Variants in SH3TC1 observed in about 807,000 individuals in gnomAD.
SH3TC1 encodes SH3 domain and tetratricopeptide repeats 1, also known as SH3 domain and tetratricopeptide repeat-containing protein 1.
Under a neutral mutation model 117.3 loss-of-function variants are expected in SH3TC1, and 135 were observed. The observed-to-expected ratio is 1.15, with a 90% CI of 1.00 to 1.33. SH3TC1 has a LOEUF of 1.33. Among genes scored for constraint, SH3TC1 ranks in the 40% most tolerant of loss-of-function variants. SH3TC1 has a pLI of 0.00. For missense variants in SH3TC1, 2,092 were observed against 1,794.3 expected, an observed-to-expected ratio of 1.17 and a Z score of -3.00; for synonymous variants, 898 against 816.9, an observed-to-expected ratio of 1.10 and a Z score of -1.69.
At position 8,227,987 on chromosome 4, in the gene SH3TC1, A is replaced by C; in HGVS notation, c.2293A>C (p.Thr765Pro). ...CCAGCCCCACAGCCTCCCTGCCCAAACTTCCCACTACCTCAGGCAAGCGCT... is the reference window on the plus strand; with the variant it reads ...CCAGCCCCACAGCCTCCCTGCCCAACCTTCCCACTACCTCAGGCAAGCGCT... Reference protein sequence around the residue: ...APQPHSLPAQTSHYLRQALAS... With the variant: ...APQPHSLPAQPSHYLRQALAS... Residue 765 changes from threonine (T) to proline (P), a missense_variant, in exon 12 of 18, where the codon ACT becomes CCT. By Grantham distance (38) the Thr-to-Pro change is conservative. Coordinates refer to ENST00000245105, the MANE Select transcript of SH3TC1 (RefSeq NM_018986.5). 6.2e-7 allele frequency: 1 copy of C among 1,612,200 alleles called. No homozygotes were observed. Among genetic ancestry groups the C allele is most frequent in the South Asian group, 1.1e-5 (1 of 91,034 alleles).
At chr4:8,232,187 G>A in intron 13 of SH3TC1, 31 bp downstream of exon 13, 3 of 396,472 alleles carry the variant, frequency 7.6e-6, no homozygotes, top group Non-Finnish European at 1.4e-5. Flanking sequence ...GGTGGGGGCG[G>A]GGGGAGGGGG....
intron 1 of SH3TC1, among the ~76,000 whole-genome samples, chr4:8,203,913 G>C (rs1048197546): frequency 6.6e-6 from 1 of 152,202 alleles, no homozygotes; most frequent in Non-Finnish European, 1.5e-5. Flanking sequence ...AGAGAGCAGG[G>C]TGGAAGTGGG....
intron 9 of SH3TC1, among the ~76,000 whole-genome samples, chr4:8,222,143 A>G (rs1387989322): frequency 3.3e-5 from 5 of 152,040 alleles, no homozygotes; most frequent in Non-Finnish European, 7.4e-5. Context: ...GTTGTACAGA[A>G]TCAGTGGGAG....
rs961059130 is a variant in SH3TC1, at chr4:8,209,756, C to T, written c.181C>T (p.Pro61Ser). ...AACCTGCTGTGTTGCAGACGAGGCT[C>T]CTCCTGCCCGCGTGGCTGGGCCTGC... The part of the protein sequence containing the change: ...AKAPVRGDEA[P>S]PARVAGPAAG... The change falls in exon 3 of 18, where the codon CCT becomes TCT. Residue 61 changes from proline (P) to serine (S), a missense_variant. Transcript: ENST00000245105. This position sits in a 1 kb window ranked among gnomAD's most constrained non-coding sequence, Gnocchi z 5.9. The T allele has an allele frequency of 4.3e-6, 7 of 1,613,680 alleles. No individual in the cohort carries two copies. The highest frequency in any genetic ancestry group is 1.6e-4 in the Middle Eastern group (1 of 6,084).
chr4:8,198,571 G>A (rs760774594), upstream of SH3TC1, among the ~76,000 whole-genome samples: 2 of 152,240 alleles, frequency 1.3e-5, no homozygotes, highest in African/African-American at 4.8e-5. Context: ...AGGCAGGGGC[G>A]AGATTACGTG....
In SH3TC1 at chr4:8,227,494, G is replaced by A; in HGVS notation, c.1800G>A (p.Val600=). 1 of 1,560,454 alleles carries A rather than the reference G, an allele frequency of 6.4e-7. No individual in the cohort carries two copies. Among genetic ancestry groups the A allele is most frequent in the Non-Finnish European group, 8.6e-7 (1 of 1,158,620 alleles). The change falls in exon 12 of 18, where the codon GTG becomes GTA. Residue 600 remains valine (V), a synonymous_variant. Coordinates refer to ENST00000245105, the MANE Select transcript of SH3TC1 (RefSeq NM_018986.5). ...GCAGCTTCGGGGACCTGTTCCTAGTGGTGGCTGTGTACGCCAACCTGGCCA... is the reference window on the plus strand; with the variant it reads ...GCAGCTTCGGGGACCTGTTCCTAGTAGTGGCTGTGTACGCCAACCTGGCCA... ...LEGSFGDLFL[V]VAVYANLASI... is the part of the protein sequence containing the mutation.
intron 6 of SH3TC1, 28 bp from the exon 7 acceptor site, chr4:8,216,929 C>A: frequency 6.2e-7 from 1 of 1,609,594 alleles, no homozygotes; most frequent in Non-Finnish European, 8.5e-7. Flanking sequence ...TCCGGCCACC[C>A]TCAGTGACCA....
chr4:8,223,287 C>A (rs77182232), intron 10 of SH3TC1, among the ~76,000 whole-genome samples: 10,226 of 152,304 alleles, frequency 0.067, 487 homozygotes, highest in East Asian at 0.17. Context: ...TTCTAATTTG[C>A]CAGCCCTGAG....
At chr4:8,185,181 C>T (rs1349533316) in intron 1 of SH3TC1, among the ~76,000 whole-genome samples, 1 of 151,854 alleles carries the variant, frequency 6.6e-6, no homozygotes, top group East Asian at 1.9e-4. Context: ...ACTAAAAATA[C>T]AAAAATTAGC....
rs1331418893 is a variant in SH3TC1, at chr4:8,241,051, C to A, written c.*96C>A. On this transcript the variant is annotated 3_prime_UTR_variant, in exon 18 of 18. Transcript: ENST00000245105. ...GCTCATTTTCTGGCAAATGGAGGCACGAACGCAGGGGCCAAATAGCAATAA... is the reference window on the plus strand; with the variant it reads ...GCTCATTTTCTGGCAAATGGAGGCAAGAACGCAGGGGCCAAATAGCAATAA... 5.9e-6 allele frequency: 9 copies of A among 1,518,020 alleles called. No individual in the cohort carries two copies. The highest frequency in any genetic ancestry group is 7.1e-6 in the Non-Finnish European group (8 of 1,131,652). The allele number at this position is 1,518,020 out of a possible 1,614,324, so 94.0% of individuals were successfully genotyped here.
rs1044293092 is a variant in SH3TC1 at position 8,225,473 on chromosome 4, A to G, written c.1285+257A>G. ...GCCTGGTCCCCGCCCAAGATGGAGCATCCTTTCCACTGCTTGGGTCCACTT... is the reference window on the plus strand; with the variant it reads ...GCCTGGTCCCCGCCCAAGATGGAGCGTCCTTTCCACTGCTTGGGTCCACTT... On this transcript the variant is annotated intron_variant, in intron 11 of 17. Transcript: ENST00000245105. The surrounding 1 kb of genome is among the most constrained non-coding windows in gnomAD (Gnocchi z 5.5). Among the ~76,000 whole-genome samples, 2 of 152,234 alleles carry G rather than the reference A, an allele frequency of 1.3e-5. 1 individual carries two copies. The highest frequency in any genetic ancestry group is 1.3e-4 in the Admixed American group (2 of 15,298).
Position 8,210,810 on chromosome 4 carries a change from G to C in SH3TC1, c.247+988G>C, listed in dbSNP as rs1718604392. Among the ~76,000 whole-genome samples, 1 of 150,912 alleles carries C rather than the reference G, an allele frequency of 6.6e-6. No individual in the cohort carries two copies. Among genetic ancestry groups the C allele is most frequent in the Non-Finnish European group, 1.5e-5 (1 of 67,876 alleles). Reference sequence around the variant, plus strand: ...GCTCAGGAACCATTGTGGAATGATGGGCTGGTGCCTCCTGTTGGGGGAGTG... The same window carrying C: ...GCTCAGGAACCATTGTGGAATGATGCGCTGGTGCCTCCTGTTGGGGGAGTG... On this transcript the variant is annotated intron_variant, in intron 3 of 17. Coordinates refer to ENST00000245105, the MANE Select transcript of SH3TC1 (RefSeq NM_018986.5). This position sits in a 1 kb window ranked among gnomAD's most constrained non-coding sequence, Gnocchi z 4.1.
At chr4:8,187,834 G>C (rs1165122827) in intron 1 of SH3TC1, among the ~76,000 whole-genome samples, 1 of 152,200 alleles carries the variant, frequency 6.6e-6, no homozygotes, top group African/African-American at 2.4e-5. Flanking sequence ...ACAGGCGTGA[G>C]CCACCGCATC....
In SH3TC1 at chr4:8,201,149, C is replaced by T. The variant is rs149737666; in HGVS notation, c.-29+1744C>T. 2.4e-3 allele frequency among the ~76,000 whole-genome samples: 363 copies of T among 152,254 alleles called. 1 individual carries two copies. The highest frequency in any genetic ancestry group is 4.3e-3 in the Non-Finnish European group (290 of 68,012). ...AAGTATTTGTTCCGTAAGAGCCTGG[C>T]GAAAGCTTGGCCAAAGCTTCCCAAA... is the stretch of plus-strand genomic sequence containing the variant. On this transcript the variant is annotated intron_variant, in intron 1 of 17. Coordinates refer to ENST00000245105, the MANE Select transcript of SH3TC1 (RefSeq NM_018986.5).
rs748856273 is a variant in SH3TC1, at chr4:8,233,435, G to T, written c.3204G>T (p.Lys1068Asn). The T allele has an allele frequency of 6.2e-7, 1 of 1,613,944 alleles. No individual in the cohort carries two copies. The highest frequency in any genetic ancestry group is 8.5e-7 in the Non-Finnish European group (1 of 1,179,910). The change falls in exon 14 of 18, where the codon AAG becomes AAT. Residue 1068 changes from lysine to asparagine, a missense_variant. Coordinates refer to ENST00000245105, the MANE Select transcript of SH3TC1 (RefSeq NM_018986.5). Reference protein sequence around the residue: ...GIFIDLQKKEKEAHAWLQAGK... With the variant: ...GIFIDLQKKENEAHAWLQAGK... ...TCATTGACCTCCAGAAGAAAGAGAA[G>T]GAGGCGCATGCCTGGCTGCAAGCAG... is the stretch of plus-strand genomic sequence containing the variant.
intron 13 of SH3TC1, chr4:8,232,370 A>G (rs1721315440): frequency 6.3e-7 from 1 of 1,580,660 alleles, no homozygotes; most frequent in Non-Finnish European, 8.6e-7. Flanking sequence ...TTGTTGGGTG[A>G]CACGTCTTCC....
chr4:8,214,745 G>A (rs541725692), intron 5 of SH3TC1, among the ~76,000 whole-genome samples, 165 bp downstream of exon 5: 5 of 152,270 alleles, frequency 3.3e-5, no homozygotes, highest in South Asian at 2.1e-4. Context: ...GTGCAATGGC[G>A]CAATCTTAGC....
Position 8,218,263 on chromosome 4 carries a change from G to C in SH3TC1, c.840-8G>C, listed in dbSNP as rs185483665. 436 of 1,608,192 alleles carry C rather than the reference G, an allele frequency of 2.7e-4. No individual in the cohort carries two copies. In the African/African-American group the frequency reaches 4.1e-3, roughly 15 times the overall value. On this transcript the variant is annotated splice_region_variant and splice_polypyrimidine_tract_variant and intron_variant, in intron 7 of 17. Coordinates refer to ENST00000245105, the MANE Select transcript of SH3TC1 (RefSeq NM_018986.5). ...CCCGCAGCAAAGACCTCCCTCTTCC[G>C]GCTCCAGGTGGGCTCTTAGGATCCC...
intron 9 of SH3TC1, among the ~76,000 whole-genome samples, chr4:8,222,361 GTTTTTT>G (rs5856006): frequency 5.0e-5 from 2 of 40,284 alleles, no homozygotes; most frequent in African/African-American, 1.0e-4. Flanking sequence ...TCAGGATCTG[GTTTTTT>G]TTTTTTTTTT....
Sources: allele counts gnomAD v4.1 joint callset (sites outside exome capture counted in the v4.1 genomes callset), GRCh38; gene constraint gnomAD v4.1.1; non-coding constraint Gnocchi (gnomAD v3.1); transcripts MANE v1.5; gene names NCBI Gene and HGNC (gene_info 2026-07-23, HGNC 2026-07-21).